Variants in DNAI3 observed in about 807,000 individuals in gnomAD.
The protein encoded by DNAI3 is dynein axonemal intermediate chain 3, also known as WD repeat domain 63.
In DNAI3, 83 loss-of-function variants were observed where a neutral mutation model predicts 115.5. The observed-to-expected ratio is 0.72, with a 90% CI of 0.60 to 0.86. The LOEUF is 0.86. Among genes scored for constraint, DNAI3 ranks in the 40% least tolerant of loss-of-function variants. The probability of loss-of-function intolerance (pLI) is 0.00; values close to 1 mark genes in which losing one functional copy is unlikely to be tolerated. For missense variants in DNAI3, 1,004 were observed against 1,075.8 expected, an observed-to-expected ratio of 0.93 and a Z score of 0.93; for synonymous variants, 320 against 347.0, an observed-to-expected ratio of 0.92 and a Z score of 0.86.
At chr1:85,106,147 G>A (rs908875733) in intron 14 of DNAI3, among the ~76,000 whole-genome samples, 4 of 152,048 alleles carry the variant, frequency 2.6e-5, no homozygotes, top group Admixed American at 6.5e-5. Context: ...TGCCTACTGT[G>A]TACAAAGCAC....
chr1:85,094,678 G>A, intron 10 of DNAI3, 123 bp downstream of exon 10: 1 of 1,245,946 alleles, frequency 8.0e-7, no homozygotes, highest in African/African-American at 1.5e-5. Context: ...TATAAAGTTA[G>A]GCTTTCTTCA....
chr1:85,115,645 A>C (rs763924748), intron 16 of DNAI3, among the ~76,000 whole-genome samples: 7 of 143,670 alleles, frequency 4.9e-5, no homozygotes, highest in Non-Finnish European at 9.1e-5. Context: ...GCCTTCCCCA[A>C]CCTTTTTTGC....
In DNAI3 at chr1:85,097,606, T is replaced by C; in HGVS notation, c.1301T>C (p.Ile434Thr). 1 of 1,613,308 alleles carries C rather than the reference T, an allele frequency of 6.2e-7. No individual in the cohort carries two copies. The change falls in exon 12 of 23, where the codon ATA becomes ACA. Residue 434 changes from isoleucine (I) to threonine (T), a missense_variant. This residue lies in a region of DNAI3 where 550 missense variants were observed against 568.1 expected (regional missense o/e 0.97). Coordinates refer to ENST00000294664, the MANE Select transcript of DNAI3 (RefSeq NM_145172.5). The stretch of plus-strand genomic sequence containing the variant: ...GATATCACCGCACATGCAGATCGCA[T>C]AGAAAACATTAAGGCAGGTGGTAGT... ...MWDITAHADR[I>T]ENIKAGGSRS...
chr1:85,112,133 C>T (rs543380531), intron 16 of DNAI3, among the ~76,000 whole-genome samples: 3 of 152,122 alleles, frequency 2.0e-5, no homozygotes, highest in East Asian at 1.9e-4. Context: ...TTCACTGCAG[C>T]GTCTAACTCC....
chr1:85,071,776 C>T (rs537120427), intron 1 of DNAI3, among the ~76,000 whole-genome samples, 152 bp from the exon 2 acceptor site: 2 of 152,328 alleles, frequency 1.3e-5, no homozygotes, highest in South Asian at 4.1e-4. Flanking sequence ...TGTCACAGAA[C>T]ACCCGTTCTA....
chr1:85,105,528 C>CAAAAAAAAAAAAAAAAAAAAAA (rs755945527), intron 14 of DNAI3, among the ~76,000 whole-genome samples: 1 of 51,732 alleles, frequency 1.9e-5, no homozygotes, highest in Non-Finnish European at 3.6e-5. Flanking sequence ...AACTCTGTCT[C>CAAAAAAAAAAAAAAAAAAAAAA]AAAAAAAAAA....
In DNAI3 at chr1:85,129,984, T is replaced by G. The variant is rs1656265912; in HGVS notation, c.2410-6T>G. The G allele has an allele frequency of 1.2e-6, 2 of 1,611,160 alleles. No individual in the cohort carries two copies. Among genetic ancestry groups the G allele is most frequent in the East Asian group, 4.5e-5 (2 of 44,836 alleles). ...TCACCCTCTCATGGACTTCTGTTTC[T>G]AACAGATGGCAAGTGTCAACCACTA... is the stretch of plus-strand genomic sequence containing the variant. On this transcript the variant is annotated splice_region_variant and splice_polypyrimidine_tract_variant and intron_variant, in intron 21 of 22. Transcript: ENST00000294664.
At chr1:85,089,333 CT>C (rs1654900351) in intron 7 of DNAI3, among the ~76,000 whole-genome samples, 1 of 151,052 alleles carries the variant, frequency 6.6e-6, no homozygotes, top group African/African-American at 2.4e-5. Context: ...AGAATCCACA[CT>C]CTTAATGATT....
chr1:85,077,771 A>G (rs546490644), intron 3 of DNAI3, among the ~76,000 whole-genome samples: 3 of 152,054 alleles, frequency 2.0e-5, no homozygotes, highest in South Asian at 4.2e-4. Flanking sequence ...TTCATGGGGT[A>G]TGTGCATATA....
intron 4 of DNAI3, among the ~76,000 whole-genome samples, 172 bp downstream of exon 4, chr1:85,081,587 A>G (rs10782539): frequency 0.6 from 90,612 of 152,012 alleles, 27,017 homozygotes; most frequent in Non-Finnish European, 0.6. Flanking sequence ...TGAAAAGCAA[A>G]GTTCCATCAA....
intron 2 of DNAI3, among the ~76,000 whole-genome samples, chr1:85,072,375 G>A (rs1654299709): frequency 6.6e-6 from 1 of 152,210 alleles, no homozygotes; most frequent in South Asian, 2.1e-4. Flanking sequence ...TGGGCGCGGT[G>A]GTTCACGCCT....
chr1:85,070,058 C>A (rs1474102939), intron 1 of DNAI3, among the ~76,000 whole-genome samples: 2 of 152,084 alleles, frequency 1.3e-5, no homozygotes, highest in Non-Finnish European at 2.9e-5. Context: ...GTCAGGAGTT[C>A]GAGACCAGCC....
intron 1 of DNAI3, among the ~76,000 whole-genome samples, chr1:85,068,279 T>C (rs1022195086): frequency 2.6e-5 from 4 of 152,190 alleles, no homozygotes; most frequent in African/African-American, 4.8e-5. Flanking sequence ...CTCTTTCAAA[T>C]CTGCTGTTCC....
Position 85,094,567 on chromosome 1 carries a change from G to T in DNAI3, c.1173+12G>T, listed in dbSNP as rs201661398. On this transcript the variant is annotated intron_variant, in intron 10 of 22. Transcript: ENST00000294664. ...CTATACATCCTCAGGTAATTAGGGA[G>T]AGTTGCCTACATAGCCTAAATTTTC... is the stretch of plus-strand genomic sequence containing the variant. 7.3e-5 allele frequency: 117 copies of T among 1,613,116 alleles called. No homozygotes were observed. The highest frequency in any genetic ancestry group is 9.7e-5 in the Non-Finnish European group (115 of 1,179,720).
intron 21 of DNAI3, among the ~76,000 whole-genome samples, chr1:85,129,231 A>C (rs1571205530): frequency 1.3e-5 from 2 of 151,874 alleles, no homozygotes; most frequent in African/African-American, 4.8e-5. Flanking sequence ...GGTATTCTGC[A>C]CCCCCCACAC....
In DNAI3 at chr1:85,084,562, A is replaced by G; in HGVS notation, c.407A>G (p.Glu136Gly). Residue 136 changes from glutamate to glycine, a missense_variant, in exon 6 of 23, where the codon GAA (glutamate) becomes GGA (glycine). By Grantham distance (98) the Glu-to-Gly change is moderately conservative. This residue lies in a region of DNAI3 where 550 missense variants were observed against 568.1 expected (regional missense o/e 0.97). Transcript: ENST00000294664. ...TTACTTTAGCCCCCAGAAGTACCAGAAGAACAAGAAGAATATAAAGAACAT... is the reference window on the plus strand; with the variant it reads ...TTACTTTAGCCCCCAGAAGTACCAGGAGAACAAGAAGAATATAAAGAACAT... ...ENYLNPPEVPEEQEEYKEHIP... is the reference protein window; with the variant it reads ...ENYLNPPEVPGEQEEYKEHIP... The G allele has an allele frequency of 6.8e-7, 1 of 1,472,682 alleles. No individual in the cohort carries two copies. The highest frequency in any genetic ancestry group is 9.0e-7 in the Non-Finnish European group (1 of 1,109,246). 91.2% of individuals were successfully genotyped at this position (1,472,682 alleles called of 1,614,324 possible). A position where few individuals can be genotyped will look rare whatever the true frequency, so the allele number is the denominator to read the frequency against.
At chr1:85,065,745 A>G (rs1441411682) in intron 1 of DNAI3, among the ~76,000 whole-genome samples, 1 of 152,238 alleles carries the variant, frequency 6.6e-6, no homozygotes, top group African/African-American at 2.4e-5. Context: ...GACAACTTTC[A>G]CAATGCATTG....
intron 4 of DNAI3, 130 bp from the exon 5 acceptor site, chr1:85,082,170 C>A: frequency 1.4e-6 from 1 of 700,808 alleles, no homozygotes; most frequent in Admixed American, 3.1e-5. Flanking sequence ...TTGGTGTTAT[C>A]AGCCATAGAT....
At chr1:85,104,401 G>A in intron 13 of DNAI3, 123 bp from the exon 14 acceptor site, 1 of 745,708 alleles carries the variant, frequency 1.3e-6, no homozygotes, top group Admixed American at 2.2e-5. Context: ...GATTACAGGC[G>A]TGAGCCACTG....
Sources: gnomAD v4.1 joint callset for allele counts (sites outside exome capture counted in the v4.1 genomes callset) on GRCh38, gnomAD v4.1.1 for gene constraint, gnomAD v4.1.1 regional missense constraint, MANE v1.5 for transcripts, NCBI Gene and HGNC (gene_info 2026-07-23, HGNC 2026-07-21) for gene names.